Variants in MAML2 observed in about 807,000 individuals in gnomAD.
MAML2 encodes the protein mastermind like transcriptional coactivator 2.
MAML2 carries 22 observed loss-of-function variants against 96.1 expected under a neutral mutation model. That is an observed-to-expected ratio of 0.23 (90% CI 0.16 to 0.33). The LOEUF (loss-of-function observed/expected upper bound fraction) is 0.33, where lower values mean the gene tolerates loss of function less well. MAML2 is among the 10% of genes least tolerant of loss of function. The pLI, the probability that MAML2 is intolerant of heterozygous loss-of-function variation, is 1.00. For synonymous variants in MAML2, 561 were observed against 521.3 expected (o/e 1.08, Z -1.04); for missense variants, 1,367 against 1,392.4 (o/e 0.98, Z 0.29).
chr11:96,244,118 TGGGGCTGTGC>T lies in MAML2; in HGVS notation c.513+97255_513+97264del, dbSNP rs1279151721. Reference sequence around the variant, plus strand: ...TCTGGAGTACAAATTAATAAAAACTTGGGGCTGTGCGGCCTAATGGCTCAAACCGTGTTCC... The same window carrying T: ...TCTGGAGTACAAATTAATAAAAACTTGGCCTAATGGCTCAAACCGTGTTCC... On this transcript the variant is annotated intron_variant, in intron 1 of 4. Transcript: ENST00000524717. 4.6e-5 allele frequency among the ~76,000 whole-genome samples: 7 copies of T among 152,228 alleles called. No individual in the cohort carries two copies. In the East Asian group the frequency reaches 1.3e-3, roughly 29 times the overall value.
At chr11:96,218,825 A>G (rs901820760) in intron 1 of MAML2, among the ~76,000 whole-genome samples, 15 of 152,366 alleles carry the variant, frequency 9.8e-5, no homozygotes, top group African/African-American at 3.6e-4. Flanking sequence ...AGTATGTCCC[A>G]TGGAATATTT....
chr11:96,167,821 A>T (rs972887523), intron 1 of MAML2, among the ~76,000 whole-genome samples: 11 of 152,178 alleles, frequency 7.2e-5, no homozygotes, highest in Admixed American at 7.2e-4. Flanking sequence ...GTTCTCACTG[A>T]GCCATATATT....
chr11:96,072,795 G>A (rs531975914), intron 2 of MAML2, among the ~76,000 whole-genome samples: 27 of 152,218 alleles, frequency 1.8e-4, no homozygotes, highest in African/African-American at 6.0e-4. Flanking sequence ...CGCCAAAGCC[G>A]GCCTCTTACC....
intron 1 of MAML2, among the ~76,000 whole-genome samples, chr11:96,225,833 A>G (rs79390047): frequency 1.0e-5 from 1 of 98,256 alleles, no homozygotes; most frequent in Non-Finnish European, 2.3e-5. Context: ...ACACTATCTC[A>G]AAAAAAAAAA....
At chr11:96,317,587 TC>T in intron 1 of MAML2, among the ~76,000 whole-genome samples, 1 of 152,312 alleles carries the variant, frequency 6.6e-6, no homozygotes, top group South Asian at 2.1e-4. Flanking sequence ...TAGTGTCCCT[TC>T]CCTCTTACTG....
intron 1 of MAML2, among the ~76,000 whole-genome samples, chr11:96,339,777 C>T (rs1288682556): frequency 6.6e-6 from 1 of 152,238 alleles, no homozygotes; most frequent in African/African-American, 2.4e-5. Flanking sequence ...CCTCATTCTT[C>T]TCTCCATTTG....
intron 1 of MAML2, among the ~76,000 whole-genome samples, chr11:96,154,637 G>T (rs1451279123): frequency 6.6e-6 from 1 of 152,150 alleles, no homozygotes; most frequent in Non-Finnish European, 1.5e-5. Flanking sequence ...TCTCAGTTCA[G>T]TTCAGTTCAA....
intron 1 of MAML2, among the ~76,000 whole-genome samples, chr11:96,191,107 T>C (rs1388910277): frequency 6.6e-6 from 1 of 152,128 alleles, no homozygotes; most frequent in Non-Finnish European, 1.5e-5. Context: ...ACTACTATTA[T>C]GTAAGAAAGA....
At position 96,067,163 on chromosome 11, in the gene MAML2, A is replaced by C. The variant is rs114963029; in HGVS notation, c.2139+24729T>G. Among the ~76,000 whole-genome samples, 722 of 152,314 alleles carry C rather than the reference A, an allele frequency of 4.7e-3. 6 individuals are homozygous for C. The highest frequency in any genetic ancestry group is 0.017 in the African/African-American group (687 of 41,552). On this transcript the variant is annotated intron_variant, in intron 2 of 4. Transcript: ENST00000524717. ...TGTGACATATCACAAACAACACCTA[A>C]CATGCCTTCCCAAACCAAAACACTA...
At chr11:95,998,160 C>CTGTT (rs1198819420) in intron 2 of MAML2, among the ~76,000 whole-genome samples, 1 of 145,644 alleles carries the variant, frequency 6.9e-6, no homozygotes, top group Non-Finnish European at 1.5e-5. Flanking sequence ...GTCTGTCTGT[C>CTGTT]TGTCTGTCTG....
chr11:96,242,405 C>T (rs1375852990), intron 1 of MAML2, among the ~76,000 whole-genome samples: 2 of 152,068 alleles, frequency 1.3e-5, no homozygotes, highest in African/African-American at 4.8e-5. Context: ...CTGAAAAATA[C>T]TGGAGGAGTG....
chr11:96,065,954 G>A (rs1439881834), intron 2 of MAML2, among the ~76,000 whole-genome samples: 4 of 152,100 alleles, frequency 2.6e-5, no homozygotes, highest in African/African-American at 9.7e-5. Context: ...GTTAGGTTGG[G>A]CTTTGATCCA....
chr11:96,014,815 T>C (rs1858317395), intron 2 of MAML2, among the ~76,000 whole-genome samples: 2 of 152,064 alleles, frequency 1.3e-5, no homozygotes, highest in Admixed American at 6.6e-5. Context: ...TATGTGTAGA[T>C]GGCATGGAAC....
intron 1 of MAML2, among the ~76,000 whole-genome samples, chr11:96,263,873 A>G (rs552389900): frequency 6.6e-6 from 1 of 152,346 alleles, no homozygotes; most frequent in East Asian, 1.9e-4. Flanking sequence ...AGCCTTGTGC[A>G]TGTCACCATC....
At chr11:96,038,439 A>C (rs984747748) in intron 2 of MAML2, among the ~76,000 whole-genome samples, 1 of 152,256 alleles carries the variant, frequency 6.6e-6, no homozygotes, top group South Asian at 2.1e-4. Flanking sequence ...AACGCAAAAT[A>C]GATAAAAATT....
At chr11:96,209,010 CA>C (rs1017118396) in intron 1 of MAML2, among the ~76,000 whole-genome samples, 5 of 152,100 alleles carry the variant, frequency 3.3e-5, no homozygotes, top group African/African-American at 1.2e-4. Flanking sequence ...TCAGAATCAT[CA>C]AAGTGCTTGT....
chr11:96,023,303 A>C (rs566113043), intron 2 of MAML2, among the ~76,000 whole-genome samples: 2 of 152,312 alleles, frequency 1.3e-5, no homozygotes, highest in South Asian at 4.1e-4. Flanking sequence ...CATATGATGG[A>C]GTCACTGTTT....
rs1021505509 is a variant in MAML2, at chr11:95,990,952, G to C, written c.2343+568C>G. ...TCAAATATTAGGTTGGTGCAAAAGT[G>C]ATTACGGTTTTTGCCATTAAAAGTA... On this transcript the variant is annotated intron_variant, in intron 3 of 4. Transcript: ENST00000524717. Among the ~76,000 whole-genome samples the C allele has an allele frequency of 7.2e-5, 11 of 152,028 alleles. 1 individual carries two copies. The Middle Eastern group carries it at 0.01, about 143-fold the overall frequency.
At position 96,107,544 on chromosome 11, in the gene MAML2, C is replaced by T. The variant is rs1860044749; in HGVS notation, c.514-14027G>A. ...GCATACAGTTACTAAAACCCTTGGA[C>T]TCTCTAACATGATAAGTGTTTCTTT... On this transcript the variant is annotated intron_variant, in intron 1 of 4. Transcript: ENST00000524717. Among the ~76,000 whole-genome samples the T allele has an allele frequency of 3.9e-5, 6 of 152,182 alleles. No homozygotes were observed. The South Asian group carries it at 1.2e-3, about 32-fold the overall frequency.
Sources: gnomAD v4.1 joint callset for allele counts (sites outside exome capture counted in the v4.1 genomes callset) on GRCh38, gnomAD v4.1.1 for gene constraint, MANE v1.5 for transcripts, NCBI Gene and HGNC (gene_info 2026-07-23, HGNC 2026-07-21) for gene names.